NEDD9: variants seen among roughly 807,000 people sequenced by gnomAD.
NEDD9 encodes the protein neural precursor cell expressed, developmentally down-regulated 9.
NEDD9 carries 26 observed loss-of-function variants against 76.6 expected under a neutral mutation model. The ratio of observed to expected loss-of-function variants is 0.34; its 90% confidence interval spans 0.25 to 0.47. NEDD9 has a LOEUF of 0.47. Ranked by LOEUF, NEDD9 falls within the 20% of genes least tolerant of loss-of-function variation. NEDD9 has a pLI of 1.00. For synonymous variants in NEDD9, 392 were observed against 414.2 expected (o/e 0.95, Z 0.65); for missense variants, 937 against 1,058.5 (o/e 0.89, Z 1.59).
intron 2 of NEDD9, among the ~76,000 whole-genome samples, chr6:11,322,470 C>T (rs1761830017): frequency 6.6e-6 from 1 of 152,144 alleles, no homozygotes; most frequent in South Asian, 2.1e-4. Context: ...CAAGGGGCAT[C>T]TCGTGGGTGT....
intron 3 of NEDD9, among the ~76,000 whole-genome samples, chr6:11,275,975 T>C (rs1760409328): frequency 6.6e-6 from 1 of 152,250 alleles, no homozygotes; most frequent in South Asian, 2.1e-4. Flanking sequence ...GATTCTACTT[T>C]AGATAATCAC....
chr6:11,304,679 C>A (rs1761133599), intron 3 of NEDD9, among the ~76,000 whole-genome samples: 1 of 152,128 alleles, frequency 6.6e-6, no homozygotes. Context: ...AGCTGGAAAC[C>A]ATCATTCTAA....
intron 3 of NEDD9, among the ~76,000 whole-genome samples, chr6:11,256,933 C>T (rs1032339565): frequency 1.3e-5 from 2 of 152,216 alleles, no homozygotes; most frequent in African/African-American, 4.8e-5. Context: ...ACTCACCTTT[C>T]AACTTGACTG....
At chr6:11,281,875 G>A (rs1352735637) in intron 3 of NEDD9, among the ~76,000 whole-genome samples, 1 of 152,036 alleles carries the variant, frequency 6.6e-6, no homozygotes, top group Non-Finnish European at 1.5e-5. Flanking sequence ...AGCATCCTGG[G>A]TAGCTGGGAT....
intron 2 of NEDD9, among the ~76,000 whole-genome samples, chr6:11,209,231 AG>A (rs1274206506): frequency 6.6e-6 from 1 of 152,360 alleles, no homozygotes; most frequent in African/African-American, 2.4e-5. Flanking sequence ...TGGAGTCAAA[AG>A]ATCTTTTATT....
chr6:11,233,879 C>A (rs989097950), upstream of NEDD9, among the ~76,000 whole-genome samples: 1 of 152,094 alleles, frequency 6.6e-6, no homozygotes, highest in African/African-American at 2.4e-5. Flanking sequence ...AAAAATCAGC[C>A]CTTATTTTTT....
intron 1 of NEDD9, among the ~76,000 whole-genome samples, chr6:11,365,915 C>T (rs1403348928): frequency 1.3e-5 from 2 of 152,004 alleles, no homozygotes; most frequent in East Asian, 3.9e-4. Flanking sequence ...CACTTGAGCC[C>T]AGGAGGCAGA....
chr6:11,282,281 G>A (rs1281290899), intron 3 of NEDD9, among the ~76,000 whole-genome samples: 6 of 152,180 alleles, frequency 3.9e-5, no homozygotes, highest in Admixed American at 1.3e-4. Context: ...TGGCTTACAT[G>A]TTACCATGCT....
At chr6:11,256,263 T>A (rs1281495738) in intron 3 of NEDD9, among the ~76,000 whole-genome samples, 1 of 152,174 alleles carries the variant, frequency 6.6e-6, no homozygotes, top group Non-Finnish European at 1.5e-5. Context: ...AGGGCCCCCA[T>A]CTGGCTGGAA....
At chr6:11,206,569 C>T (rs1465626758) in intron 2 of NEDD9, among the ~76,000 whole-genome samples, 1 of 152,174 alleles carries the variant, frequency 6.6e-6, no homozygotes, top group Non-Finnish European at 1.5e-5. Flanking sequence ...CTGATAAGCA[C>T]AGTCATTTAG....
At chr6:11,232,390 T>G (rs1759500844) in intron 1 of NEDD9, 114 bp downstream of exon 1, 5 of 1,356,802 alleles carry the variant, frequency 3.7e-6, no homozygotes, top group East Asian at 2.3e-5. Flanking sequence ...AGACTCATCT[T>G]AGAACTCTCC....
intron 1 of NEDD9, among the ~76,000 whole-genome samples, chr6:11,355,813 T>C (rs527483813): frequency 0.012 from 1,877 of 152,232 alleles, 38 homozygotes; most frequent in African/African-American, 0.043. Flanking sequence ...CTCCGCCTCC[T>C]GTGTTCACAC....
At chr6:11,376,533 A>C (rs1160040979) in intron 1 of NEDD9, among the ~76,000 whole-genome samples, 3 of 152,194 alleles carry the variant, frequency 2.0e-5, no homozygotes, top group Admixed American at 2.0e-4. Flanking sequence ...TGAACTTAAG[A>C]GTGATGACCC....
At chr6:11,291,930 T>C (rs548964889) in intron 3 of NEDD9, among the ~76,000 whole-genome samples, 45 of 152,346 alleles carry the variant, frequency 3.0e-4, no homozygotes, top group African/African-American at 9.9e-4. Flanking sequence ...TGCATGGAGA[T>C]GGTGAGTACA....
chr6:11,277,405 G>T (rs1425247048), intron 3 of NEDD9, among the ~76,000 whole-genome samples: 2 of 152,196 alleles, frequency 1.3e-5, no homozygotes, highest in South Asian at 4.1e-4. Context: ...GTGGCGTTTG[G>T]GGGTGGGGAA....
intron 3 of NEDD9, among the ~76,000 whole-genome samples, chr6:11,268,445 C>T (rs1225823316): frequency 6.6e-6 from 1 of 151,852 alleles, no homozygotes; most frequent in East Asian, 1.9e-4. Context: ...AAGAATTTAC[C>T]AGCTGGGTGC....
At chr6:11,285,945 A>T (rs900774449) in intron 3 of NEDD9, among the ~76,000 whole-genome samples, 1 of 152,212 alleles carries the variant, frequency 6.6e-6, no homozygotes, top group African/African-American at 2.4e-5. Flanking sequence ...AGGATTTCTT[A>T]GTTACCACAC....
At chr6:11,325,817 A>T (rs1235219122) in intron 2 of NEDD9, among the ~76,000 whole-genome samples, 1 of 152,218 alleles carries the variant, frequency 6.6e-6, no homozygotes. Flanking sequence ...GTCATTTTTA[A>T]TCTCCCAGTC....
intron 2 of NEDD9, among the ~76,000 whole-genome samples, chr6:11,319,528 A>ACACT (rs1761700073): frequency 1.4e-5 from 2 of 144,140 alleles, no homozygotes; most frequent in African/African-American, 2.6e-5. Flanking sequence ...ATGCACACTC[A>ACACT]CACTAACATG....
Sources: allele counts gnomAD v4.1 joint callset (sites outside exome capture counted in the v4.1 genomes callset), GRCh38; gene constraint gnomAD v4.1.1; transcripts MANE v1.5; gene names NCBI Gene and HGNC (gene_info 2026-07-23, HGNC 2026-07-21).